UBE2E2: variants seen among roughly 807,000 people sequenced by gnomAD.
UBE2E2 encodes ubiquitin conjugating enzyme E2 E2.
Under a neutral mutation model 24.7 loss-of-function variants are expected in UBE2E2, and 6 were observed. The ratio of observed to expected loss-of-function variants is 0.24; its 90% CI spans 0.13 to 0.48. UBE2E2 has a LOEUF of 0.48. UBE2E2 is among the 20% of genes least tolerant of loss of function. UBE2E2 has a pLI of 0.99. For missense variants in UBE2E2, 169 were observed against 245.0 expected (o/e 0.69, Z 2.07); for synonymous variants, 104 against 83.6 (o/e 1.24, Z -1.33).
chr3:23,230,901 C>T (rs754167630), intron 3 of UBE2E2, among the ~76,000 whole-genome samples: 5 of 151,536 alleles, frequency 3.3e-5, no homozygotes, highest in African/African-American at 4.9e-5. Context: ...TAAGCTTATT[C>T]TGTGTGATTT....
At chr3:23,511,821 G>GA (rs923673870) in intron 4 of UBE2E2, among the ~76,000 whole-genome samples, 7 of 151,940 alleles carry the variant, frequency 4.6e-5, no homozygotes, top group Non-Finnish European at 7.4e-5. Flanking sequence ...TTATTACAAG[G>GA]AAAAAACCTC....
At chr3:23,314,087 T>C (rs559322857) in intron 3 of UBE2E2, among the ~76,000 whole-genome samples, 1 of 152,302 alleles carries the variant, frequency 6.6e-6, no homozygotes, top group African/African-American at 2.4e-5. Context: ...TTTTTACTTA[T>C]ATCTTGTTGT....
chr3:23,218,427 G>A (rs541180755), intron 3 of UBE2E2, among the ~76,000 whole-genome samples: 3 of 152,136 alleles, frequency 2.0e-5, no homozygotes, highest in African/African-American at 7.2e-5. Flanking sequence ...GTTTCAGATG[G>A]CAGATCATTG....
intron 2 of UBE2E2, among the ~76,000 whole-genome samples, chr3:23,210,712 A>G (rs1179298725): frequency 6.6e-6 from 1 of 152,176 alleles, no homozygotes; most frequent in Non-Finnish European, 1.5e-5. Flanking sequence ...GTAAATAGAA[A>G]GTGGTTGTAT....
At chr3:23,494,667 A>G (rs781687367) in intron 3 of UBE2E2, among the ~76,000 whole-genome samples, 4 of 152,208 alleles carry the variant, frequency 2.6e-5, no homozygotes, top group Non-Finnish European at 4.4e-5. Context: ...CTAAAATGTT[A>G]GAAGAGTCCA....
intron 4 of UBE2E2, among the ~76,000 whole-genome samples, chr3:23,525,835 T>C (rs1694983849): frequency 6.6e-6 from 1 of 152,180 alleles, no homozygotes; most frequent in South Asian, 2.1e-4. Context: ...GAGATCGGAG[T>C]AGTCTTGTAG....
At chr3:23,438,966 AAT>A (rs1364339192) in intron 3 of UBE2E2, among the ~76,000 whole-genome samples, 2 of 152,152 alleles carry the variant, frequency 1.3e-5, no homozygotes, top group Non-Finnish European at 2.9e-5. Context: ...CACACTACAT[AAT>A]GGTTAACTAT....
At chr3:23,313,386 C>CTTTTTTTTT (rs34208918) in intron 3 of UBE2E2, among the ~76,000 whole-genome samples, 1 of 111,870 alleles carries the variant, frequency 8.9e-6, no homozygotes, top group Non-Finnish European at 1.7e-5. Flanking sequence ...ATCATTGGGT[C>CTTTTTTTTT]TTTTTTTTTT....
At chr3:23,336,041 A>G (rs890367962) in intron 3 of UBE2E2, among the ~76,000 whole-genome samples, 18 of 152,172 alleles carry the variant, frequency 1.2e-4, no homozygotes, top group African/African-American at 4.1e-4. Context: ...TTTTTTTATG[A>G]TACCTGCTGT....
intron 3 of UBE2E2, among the ~76,000 whole-genome samples, chr3:23,351,720 C>G (rs1328943248): frequency 6.6e-6 from 1 of 152,020 alleles, no homozygotes; most frequent in African/African-American, 2.4e-5. Context: ...ACAGGAGCAC[C>G]CAGATTCATA....
chr3:23,343,236 A>G (rs1426419214), intron 3 of UBE2E2, among the ~76,000 whole-genome samples: 1 of 149,434 alleles, frequency 6.7e-6, no homozygotes, highest in Non-Finnish European at 1.5e-5. Flanking sequence ...TCTAAAATGG[A>G]AAAAAAAAAG....
At chr3:23,444,175 G>C (rs1467547035) in intron 3 of UBE2E2, among the ~76,000 whole-genome samples, 1 of 150,196 alleles carries the variant, frequency 6.7e-6, no homozygotes, top group Middle Eastern at 3.4e-3. Flanking sequence ...TTGATCCATG[G>C]TTGTTGAAAT....
chr3:23,449,824 G>A, intron 3 of UBE2E2: 1 of 977,132 alleles, frequency 1.0e-6, no homozygotes. Flanking sequence ...TTTAAAGCTG[G>A]CTAACAATGA....
At chr3:23,380,426 A>G (rs1039447582) in intron 3 of UBE2E2, among the ~76,000 whole-genome samples, 4 of 152,076 alleles carry the variant, frequency 2.6e-5, no homozygotes, top group East Asian at 1.9e-4. Context: ...AGGTTTTGCT[A>G]TGTTGCTCAG....
intron 3 of UBE2E2, among the ~76,000 whole-genome samples, chr3:23,241,973 G>A (rs1030274589): frequency 6.6e-6 from 1 of 152,178 alleles, no homozygotes; most frequent in Non-Finnish European, 1.5e-5. Context: ...TCAGTGGCAT[G>A]ATCATAGCTC....
chr3:23,476,707 T>A (rs1261913308), intron 3 of UBE2E2, among the ~76,000 whole-genome samples: 1 of 152,150 alleles, frequency 6.6e-6, no homozygotes, highest in African/African-American at 2.4e-5. Flanking sequence ...AAATAAATTT[T>A]AAAAAATTAA....
chr3:23,392,867 G>A (rs1696972362), intron 3 of UBE2E2, among the ~76,000 whole-genome samples: 1 of 152,262 alleles, frequency 6.6e-6, no homozygotes, highest in Non-Finnish European at 1.5e-5. Context: ...TGAGAAGAGA[G>A]AGGAGTAGAG....
intron 3 of UBE2E2, among the ~76,000 whole-genome samples, chr3:23,421,466 A>G (rs1297350205): frequency 6.6e-6 from 1 of 152,208 alleles, no homozygotes; most frequent in Non-Finnish European, 1.5e-5. Flanking sequence ...CATGGATAGA[A>G]CTGGATCTCA....
At chr3:23,216,293 A>G (rs1205042850) in intron 2 of UBE2E2, among the ~76,000 whole-genome samples, 3 of 152,114 alleles carry the variant, frequency 2.0e-5, no homozygotes, top group African/African-American at 4.8e-5. Context: ...CATTTATTCT[A>G]GTAGTTTGTT....
Sources: allele counts gnomAD v4.1 joint callset (sites outside exome capture counted in the v4.1 genomes callset), GRCh38; gene constraint gnomAD v4.1.1; transcripts MANE v1.5; gene names NCBI Gene and HGNC (gene_info 2026-07-23, HGNC 2026-07-21).